Variants in AFAP1 observed in about 807,000 individuals in gnomAD.
AFAP1 encodes actin filament-associated protein 1.
Under a neutral mutation model 93.9 loss-of-function variants are expected in AFAP1, and 75 were observed. The observed-to-expected ratio is 0.80, with a 90% confidence interval of 0.66 to 0.97. The LOEUF (loss-of-function observed/expected upper bound fraction) is 0.97, where lower values mean the gene tolerates loss of function less well. Among genes scored for constraint, AFAP1 ranks in the 50% least tolerant of loss-of-function variants. The pLI is 0.00. For missense variants in AFAP1, 1,201 were observed against 1,050.8 expected (o/e 1.14, Z -1.98); for synonymous variants, 517 against 430.7 (o/e 1.20, Z -2.48).
chr4:7,811,970 C>T (rs1183121838), intron 8 of AFAP1, among the ~76,000 whole-genome samples: 3 of 150,738 alleles, frequency 2.0e-5, no homozygotes, highest in Non-Finnish European at 4.4e-5. Context: ...TCTCCCAACA[C>T]GTACACACCC....
At chr4:7,926,323 A>G (rs1356341436) in intron 1 of AFAP1, among the ~76,000 whole-genome samples, 1 of 152,218 alleles carries the variant, frequency 6.6e-6, no homozygotes, top group Non-Finnish European at 1.5e-5. Flanking sequence ...ATCAAAAACA[A>G]AACTTTAATC....
At chr4:7,829,089 A>G (rs1443199696) in intron 6 of AFAP1, among the ~76,000 whole-genome samples, 1 of 152,158 alleles carries the variant, frequency 6.6e-6, no homozygotes, top group Non-Finnish European at 1.5e-5. Flanking sequence ...CCATGTGAAG[A>G]AGGACGTGTT....
At chr4:7,848,992 G>T (rs1038414180) in intron 4 of AFAP1, among the ~76,000 whole-genome samples, 8 of 152,190 alleles carry the variant, frequency 5.3e-5, no homozygotes, top group African/African-American at 1.7e-4. Flanking sequence ...CTGAGAAGGC[G>T]GTTAGGGCGT....
intron 1 of AFAP1, among the ~76,000 whole-genome samples, chr4:7,922,603 G>C (rs1163690687): frequency 1.3e-5 from 2 of 152,212 alleles, no homozygotes; most frequent in Non-Finnish European, 2.9e-5. Flanking sequence ...GACAGGAATG[G>C]AAACACTGAA....
intron 1 of AFAP1, among the ~76,000 whole-genome samples, chr4:7,898,147 C>T (rs144488373): frequency 0.019 from 2,908 of 152,198 alleles, 93 homozygotes; most frequent in African/African-American, 0.066. Context: ...CAGTGGCTCA[C>T]GCCTGTAATC....
intron 4 of AFAP1, among the ~76,000 whole-genome samples, chr4:7,846,767 C>G (rs1713752788): frequency 6.6e-6 from 1 of 152,294 alleles, no homozygotes; most frequent in East Asian, 1.9e-4. Flanking sequence ...AGGTTTCTCA[C>G]ATCCACCATC....
chr4:7,877,065 T>C (rs531395962), intron 1 of AFAP1, among the ~76,000 whole-genome samples: 5 of 152,314 alleles, frequency 3.3e-5, no homozygotes, highest in East Asian at 1.9e-4. Flanking sequence ...GTAGCAGCTG[T>C]ACTGATGACT....
intron 1 of AFAP1, among the ~76,000 whole-genome samples, chr4:7,917,961 A>G (rs1720181159): frequency 6.6e-6 from 1 of 152,242 alleles, no homozygotes; most frequent in Non-Finnish European, 1.5e-5. Context: ...GCAAAGGACC[A>G]CGGGATAGAT....
chr4:7,892,330 G>A (rs531348696), intron 1 of AFAP1, among the ~76,000 whole-genome samples: 11 of 152,326 alleles, frequency 7.2e-5, no homozygotes, highest in South Asian at 4.1e-4. Flanking sequence ...CTAAGGCTCT[G>A]CAGATGTCCA....
intron 1 of AFAP1, among the ~76,000 whole-genome samples, chr4:7,889,972 A>G (rs1718359283): frequency 6.8e-6 from 1 of 147,836 alleles, no homozygotes; most frequent in Admixed American, 6.9e-5. Flanking sequence ...ATGCAACACA[A>G]TCTCAATCAA....
intron 1 of AFAP1, among the ~76,000 whole-genome samples, chr4:7,891,532 C>T (rs1718470585): frequency 6.6e-6 from 1 of 151,996 alleles, no homozygotes; most frequent in African/African-American, 2.4e-5. Flanking sequence ...ATAATAGCAT[C>T]AGACTGGCTG....
At chr4:7,851,264 C>G (rs778216760) in intron 4 of AFAP1, among the ~76,000 whole-genome samples, 5 of 152,170 alleles carry the variant, frequency 3.3e-5, no homozygotes, top group African/African-American at 1.2e-4. Flanking sequence ...GGCCCACAGT[C>G]TCTCTGACCC....
intron 1 of AFAP1, among the ~76,000 whole-genome samples, chr4:7,908,942 A>G (rs1002726714): frequency 2.6e-5 from 4 of 151,630 alleles, no homozygotes; most frequent in Non-Finnish European, 5.9e-5. Flanking sequence ...CAAAGCTCCA[A>G]CTTCTAGAGG....
chr4:7,770,992 C>G (rs35515779), intron 16 of AFAP1, among the ~76,000 whole-genome samples: 30,473 of 152,280 alleles, frequency 0.2, 3,978 homozygotes, highest in Non-Finnish European at 0.3. Context: ...CCCATTTATG[C>G]TGGATGAGGG....
intron 1 of AFAP1, among the ~76,000 whole-genome samples, chr4:7,920,327 A>G (rs1405017903): frequency 2.6e-5 from 4 of 152,198 alleles, no homozygotes; most frequent in Non-Finnish European, 4.4e-5. Context: ...ATTTATATAC[A>G]CACACAATTC....
intron 1 of AFAP1, among the ~76,000 whole-genome samples, chr4:7,921,842 T>C (rs1186985733): frequency 2.0e-5 from 3 of 152,284 alleles, no homozygotes; most frequent in East Asian, 3.9e-4. Flanking sequence ...AGAAGACACA[T>C]AGGCCGGGCG....
chr4:7,927,598 G>A (rs942873785), intron 1 of AFAP1, among the ~76,000 whole-genome samples: 3 of 152,190 alleles, frequency 2.0e-5, no homozygotes, highest in African/African-American at 7.2e-5. Flanking sequence ...GCCGAGGCAG[G>A]AGGATCACTT....
Position 7,927,056 on chromosome 4 carries a change from C to T in AFAP1, c.-3+12600G>A, listed in dbSNP as rs890163158. Among the ~76,000 whole-genome samples the T allele has an allele frequency of 9.2e-5, 14 of 152,344 alleles. No individual in the cohort carries two copies. In the East Asian group the frequency reaches 2.1e-3, roughly 23 times the overall value. On this transcript the variant is annotated intron_variant, in intron 1 of 17. Transcript: ENST00000420658. ...GTCCTGGCAAAATGACTCCCTTCCA[C>T]GTCTACCTTCCAAGTAGCTAAATCA...
intron 5 of AFAP1, among the ~76,000 whole-genome samples, chr4:7,839,948 T>G (rs1307097843): frequency 6.6e-6 from 1 of 152,230 alleles, no homozygotes; most frequent in African/African-American, 2.4e-5. Flanking sequence ...TTTTATGGAA[T>G]TAAGTTATTA....
Sources: allele counts gnomAD v4.1 joint callset (sites outside exome capture counted in the v4.1 genomes callset), GRCh38; gene constraint gnomAD v4.1.1; transcripts MANE v1.5; gene names NCBI Gene and HGNC (gene_info 2026-07-23, HGNC 2026-07-21).